Variants in CDK14 observed in about 807,000 individuals in gnomAD.
CDK14 encodes the protein cyclin-dependent kinase 14.
In CDK14, 34 loss-of-function variants were observed where a neutral mutation model predicts 60.7. The observed-to-expected ratio is 0.56, with a 90% CI of 0.43 to 0.75. The LOEUF (loss-of-function observed/expected upper bound fraction) is 0.75. CDK14 is among the 30% of genes least tolerant of loss of function. CDK14 has a pLI of 0.00. For synonymous variants in CDK14, 197 were observed against 203.7 expected, an observed-to-expected ratio of 0.97 and a Z score of 0.28; for missense variants, 482 against 564.1, an observed-to-expected ratio of 0.85 and a Z score of 1.47.
intron 2 of CDK14, among the ~76,000 whole-genome samples, chr7:90,667,819 T>C (rs2116522165): frequency 6.6e-6 from 1 of 152,336 alleles, no homozygotes; most frequent in South Asian, 2.1e-4. Context: ...TCCGCCCGCC[T>C]CTGCCTCCCA....
intron 14 of CDK14, among the ~76,000 whole-genome samples, chr7:91,133,024 T>G (rs1227053475): frequency 6.6e-6 from 1 of 152,160 alleles, no homozygotes; most frequent in African/African-American, 2.4e-5. Context: ...TTAAATTTTG[T>G]GAATATATAA....
intron 11 of CDK14, among the ~76,000 whole-genome samples, chr7:91,074,555 C>T (rs1798240577): frequency 6.6e-6 from 1 of 152,114 alleles, no homozygotes; most frequent in African/African-American, 2.4e-5. Flanking sequence ...TTAGAAAGAG[C>T]TCAAATCGAC....
intron 6 of CDK14, among the ~76,000 whole-genome samples, chr7:90,883,808 C>T (rs1271452404): frequency 6.6e-6 from 1 of 152,154 alleles, no homozygotes; most frequent in South Asian, 2.1e-4. Context: ...AAATGTAATC[C>T]ATCACATAAT....
At chr7:90,783,864 T>C (rs113101727) in intron 4 of CDK14, among the ~76,000 whole-genome samples, 278 of 152,252 alleles carry the variant, frequency 1.8e-3, no homozygotes, top group African/African-American at 6.3e-3. Context: ...TAGAGAATAC[T>C]GTGGAGGAGC....
chr7:90,846,180 T>C (rs1790465120), intron 5 of CDK14, among the ~76,000 whole-genome samples: 1 of 152,170 alleles, frequency 6.6e-6, no homozygotes, highest in South Asian at 2.1e-4. Context: ...TCCTTGAGCT[T>C]AGAATGCTGC....
At position 90,636,193 on chromosome 7, in the gene CDK14, G is replaced by C. The variant is rs975082516; in HGVS notation, c.123+31944G>C. The stretch of plus-strand genomic sequence containing the variant: ...TATGTTGAATAGGAGTGGTGAGAGA[G>C]GGCATCCCTGTCTTGTGCCAGTTTT... On this transcript the variant is annotated intron_variant, in intron 2 of 14. Coordinates refer to ENST00000380050, the MANE Select transcript of CDK14 (RefSeq NM_001287135.2). 1.3e-3 allele frequency among the ~76,000 whole-genome samples: 201 copies of C among 152,020 alleles called. 1 individual carries two copies. Among genetic ancestry groups the C allele is most frequent in the African/African-American group, 4.8e-3 (197 of 41,402 alleles).
chr7:90,817,794 C>A (rs1342871670), intron 5 of CDK14, among the ~76,000 whole-genome samples: 1 of 152,206 alleles, frequency 6.6e-6, no homozygotes, highest in Non-Finnish European at 1.5e-5. Context: ...AGCAGTTCAA[C>A]ATTTCTACTC....
intron 2 of CDK14, among the ~76,000 whole-genome samples, chr7:90,697,323 T>C (rs915522518): frequency 6.6e-6 from 1 of 152,162 alleles, no homozygotes; most frequent in Non-Finnish European, 1.5e-5. Flanking sequence ...AAAATTGTCA[T>C]TGAACGAGAT....
chr7:90,998,845 C>T (rs1362655632), intron 10 of CDK14, among the ~76,000 whole-genome samples: 9 of 151,986 alleles, frequency 5.9e-5, no homozygotes, highest in African/African-American at 2.2e-4. Context: ...GCGGAGATCG[C>T]GCCACTGCAC....
chr7:90,666,637 A>G (rs960667242), intron 2 of CDK14, among the ~76,000 whole-genome samples: 3 of 152,234 alleles, frequency 2.0e-5, no homozygotes, highest in Non-Finnish European at 4.4e-5. Context: ...TTCACGGAAC[A>G]TAGTTTGGGA....
chr7:90,640,034 T>C (rs1292085065), intron 2 of CDK14, among the ~76,000 whole-genome samples: 1 of 152,042 alleles, frequency 6.6e-6, no homozygotes, highest in South Asian at 2.1e-4. Flanking sequence ...CCCCTTTCCT[T>C]GACCAGGAAA....
chr7:91,085,339 C>T (rs1230135181), intron 12 of CDK14, among the ~76,000 whole-genome samples: 2 of 152,114 alleles, frequency 1.3e-5, no homozygotes, highest in African/African-American at 4.8e-5. Flanking sequence ...TCGCTGTCTC[C>T]ACCCGCTCAA....
intron 7 of CDK14, among the ~76,000 whole-genome samples, chr7:90,917,208 T>C (rs185647277): frequency 7.3e-4 from 111 of 152,330 alleles, no homozygotes; most frequent in African/African-American, 2.5e-3. Context: ...TATAAACCCT[T>C]GGTAAACAGT....
chr7:90,814,998 T>C (rs1280120233), intron 5 of CDK14, among the ~76,000 whole-genome samples: 1 of 152,230 alleles, frequency 6.6e-6, no homozygotes, highest in African/African-American at 2.4e-5. Flanking sequence ...CCTGAAATCT[T>C]TCTGGCTTTC....
chr7:91,038,271 C>A (rs1027732547), intron 10 of CDK14, among the ~76,000 whole-genome samples: 1 of 152,142 alleles, frequency 6.6e-6, no homozygotes, highest in African/African-American at 2.4e-5. Context: ...GATAATTTGT[C>A]ATTTACAAGG....
At chr7:90,958,601 G>C (rs190775624) in intron 9 of CDK14, among the ~76,000 whole-genome samples, 1 of 152,152 alleles carries the variant, frequency 6.6e-6, no homozygotes, top group Non-Finnish European at 1.5e-5. Flanking sequence ...TACATAATTA[G>C]TGTAATGGCA....
chr7:90,628,245 C>G (rs1799916731), intron 2 of CDK14, among the ~76,000 whole-genome samples: 1 of 152,204 alleles, frequency 6.6e-6, no homozygotes, highest in Non-Finnish European at 1.5e-5. Flanking sequence ...GCGTGAGCCA[C>G]CGTGCCTGGC....
chr7:90,885,334 A>G (rs747463873), intron 6 of CDK14, among the ~76,000 whole-genome samples: 2 of 152,196 alleles, frequency 1.3e-5, no homozygotes, highest in Non-Finnish European at 2.9e-5. Context: ...AAAAATCTCA[A>G]CATCACTGAT....
chr7:91,173,411 G>A (rs1398730579), intron 14 of CDK14, among the ~76,000 whole-genome samples: 2 of 149,990 alleles, frequency 1.3e-5, no homozygotes, highest in Non-Finnish European at 3.0e-5. Flanking sequence ...CTGGGCAAAA[G>A]AGTAAGACTG....
Sources: gnomAD v4.1 joint callset for allele counts (sites outside exome capture counted in the v4.1 genomes callset) on GRCh38, gnomAD v4.1.1 for gene constraint, MANE v1.5 for transcripts, NCBI Gene and HGNC (gene_info 2026-07-23, HGNC 2026-07-21) for gene names.